GATAD2B: variants seen among roughly 807,000 people sequenced by gnomAD.
GATAD2B encodes GATA zinc finger domain containing 2B, also known as transcriptional repressor p66-beta.
A neutral mutation model predicts 64.3 loss-of-function variants in GATAD2B; 8 were observed. The observed-to-expected ratio is 0.12, with a 90% CI of 0.07 to 0.22. The LOEUF is 0.22. Ranked by LOEUF, GATAD2B falls within the 10% of genes least tolerant of loss-of-function variation. GATAD2B has a pLI of 1.00. For synonymous variants in GATAD2B, 281 were observed against 271.3 expected, an observed-to-expected ratio of 1.04 and a Z score of -0.35; for missense variants, 453 against 752.0, an observed-to-expected ratio of 0.60 and a Z score of 4.65.
intron 2 of GATAD2B, among the ~76,000 whole-genome samples, chr1:153,822,214 C>T (rs1234210945): frequency 6.6e-6 from 1 of 151,888 alleles, no homozygotes; most frequent in African/African-American, 2.4e-5. Context: ...AATAAAACAC[C>T]GGTAATTTTG....
At chr1:153,891,376 T>A (rs1402074789) in intron 1 of GATAD2B, among the ~76,000 whole-genome samples, 1 of 150,980 alleles carries the variant, frequency 6.6e-6, no homozygotes, top group African/African-American at 2.4e-5. Context: ...AAGACCAGCC[T>A]GGCCAGCATG....
intron 2 of GATAD2B, among the ~76,000 whole-genome samples, chr1:153,820,609 G>A (rs943990604): frequency 3.3e-5 from 5 of 152,094 alleles, no homozygotes; most frequent in South Asian, 2.1e-4. Context: ...TATATAGGTC[G>A]AGGGCAATTG....
Position 153,828,180 on chromosome 1 carries a change from A to T in GATAD2B, c.168T>A (p.Asn56Lys). 1 of 1,614,154 alleles carries T rather than the reference A, an allele frequency of 6.2e-7. No individual in the cohort carries two copies. The highest frequency in any genetic ancestry group is 8.5e-7 in the Non-Finnish European group (1 of 1,180,034). ...TGGGTAACTCATGTGGCACCTCAAG[A>T]TTTGCCAAATCCTTCCTTTTGAGCA... ...LALLKRKDLA[N>K]LEVPHELPTK... The change falls in exon 2 of 11, where the codon AAT (asparagine) becomes AAA (lysine). Residue 56 changes from asparagine to lysine, a missense_variant. Physicochemically the swap from Asn to Lys is moderately conservative, Grantham distance 94. Around this residue, in one of 2 missense-constraint regions of GATAD2B, gnomAD observed 293 missense variants for 417.2 expected, o/e 0.70. Transcript: ENST00000368655.
chr1:153,818,314 C>CA (rs1674554193), intron 4 of GATAD2B, 143 bp from the exon 5 acceptor site: 1 of 319,934 alleles, frequency 3.1e-6, no homozygotes, highest in Non-Finnish European at 5.4e-6. Context: ...TCAAGGTTTT[C>CA]TTTTTTTTTT....
chr1:153,884,133 C>T (rs1359590204), intron 1 of GATAD2B, among the ~76,000 whole-genome samples: 1 of 151,634 alleles, frequency 6.6e-6, no homozygotes, highest in Non-Finnish European at 1.5e-5. Flanking sequence ...CCCATCTCTA[C>T]TAAAAATACA....
At chr1:153,834,001 GTTGTTTTTTGT>G (rs955490137) in intron 1 of GATAD2B, among the ~76,000 whole-genome samples, 2 of 149,576 alleles carry the variant, frequency 1.3e-5, no homozygotes, top group African/African-American at 2.5e-5. Flanking sequence ...TTTTTTTTTG[GTTGTTTTTTGT>G]TTGTTTTTGA....
At chr1:153,827,143 G>C (rs1189480870) in intron 2 of GATAD2B, among the ~76,000 whole-genome samples, 2 of 151,080 alleles carry the variant, frequency 1.3e-5, no homozygotes, top group African/African-American at 4.9e-5. Flanking sequence ...TACTCAAGGG[G>C]GGTGGGGTGT....
chr1:153,895,771 TTC>T (rs1486551417), intron 1 of GATAD2B, among the ~76,000 whole-genome samples: 1 of 152,134 alleles, frequency 6.6e-6, no homozygotes, highest in Non-Finnish European at 1.5e-5. Flanking sequence ...TCTACAAAGA[TTC>T]TAAGTCTGAT....
intron 1 of GATAD2B, among the ~76,000 whole-genome samples, chr1:153,880,811 T>C (rs1676986317): frequency 6.6e-6 from 1 of 151,892 alleles, no homozygotes; most frequent in South Asian, 2.1e-4. Flanking sequence ...ATCACTGCAC[T>C]CCAGCTTGGG....
Position 153,810,129 on chromosome 1 carries a change from G to GC in GATAD2B, c.*47_*48insG. 1.9e-6 allele frequency: 3 copies of GC among 1,559,348 alleles called. No individual in the cohort carries two copies. The highest frequency in any genetic ancestry group is 1.7e-6 in the Non-Finnish European group (2 of 1,148,910). ...GACAGAAGTTGGGGGAATGAAAGAGGAAAGGGATAAAGGATTCAAGGATGG... is the reference window on the plus strand; with the variant it reads ...GACAGAAGTTGGGGGAATGAAAGAGGCAAAGGGATAAAGGATTCAAGGATGG... On this transcript the variant is annotated 3_prime_UTR_variant, in exon 11 of 11. Transcript: ENST00000368655.
chr1:153,915,684 G>A (rs1173706543), intron 1 of GATAD2B, among the ~76,000 whole-genome samples: 6 of 146,412 alleles, frequency 4.1e-5, no homozygotes, highest in South Asian at 2.3e-4. Context: ...GCAGTGAGCC[G>A]AGATCGTGCC....
chr1:153,820,642 C>G (rs962227354), intron 2 of GATAD2B, among the ~76,000 whole-genome samples: 3 of 151,076 alleles, frequency 2.0e-5, no homozygotes, highest in Non-Finnish European at 4.4e-5. Flanking sequence ...TTTTTTTTTC[C>G]CTCTTGAGAC....
At chr1:153,824,054 G>A (rs927892763) in intron 2 of GATAD2B, among the ~76,000 whole-genome samples, 4 of 152,108 alleles carry the variant, frequency 2.6e-5, no homozygotes, top group African/African-American at 4.8e-5. Context: ...TATACATCTC[G>A]GGGCTAAGTG....
intron 1 of GATAD2B, among the ~76,000 whole-genome samples, chr1:153,842,522 T>C (rs575865523): frequency 6.9e-6 from 1 of 144,126 alleles, no homozygotes; most frequent in Non-Finnish European, 1.6e-5. Context: ...AATAAGTTTA[T>C]TGCATATACA....
intron 1 of GATAD2B, among the ~76,000 whole-genome samples, chr1:153,842,953 C>G (rs970824802): frequency 4.5e-5 from 6 of 133,364 alleles, no homozygotes; most frequent in Non-Finnish European, 6.5e-5. Flanking sequence ...CCTCGCCCAG[C>G]CTTTTTTTTT....
chr1:153,845,952 C>A (rs946011151), intron 1 of GATAD2B, among the ~76,000 whole-genome samples: 8 of 146,478 alleles, frequency 5.5e-5, no homozygotes, highest in East Asian at 2.0e-4. Context: ...CCGCCCCCCC[C>A]CCGCCCCAAA....
rs1468974050 is a variant in GATAD2B, at chr1:153,816,705, T to C, written c.901-117A>G. On this transcript the variant is annotated intron_variant, in intron 6 of 10. Transcript: ENST00000368655. This position sits in a 1 kb window ranked among gnomAD's most constrained non-coding sequence, Gnocchi z 4.9. Reference sequence around the variant, plus strand: ...TTGGACTACTTAGCTTCTCCAAAAATAGGAGGTGGTCAACTTATTTATTGA... The same window carrying C: ...TTGGACTACTTAGCTTCTCCAAAAACAGGAGGTGGTCAACTTATTTATTGA... 1 of 630,110 alleles carries C rather than the reference T, an allele frequency of 1.6e-6. No individual in the cohort carries two copies. Among genetic ancestry groups the C allele is most frequent in the Non-Finnish European group, 2.8e-6 (1 of 360,206 alleles). 39.0% of individuals were successfully genotyped at this position (630,110 alleles called of 1,614,324 possible). A position where few individuals can be genotyped will look rare whatever the true frequency, so the allele number is the denominator to read the frequency against.
chr1:153,826,643 A>G (rs1674887949), intron 2 of GATAD2B, among the ~76,000 whole-genome samples: 1 of 150,510 alleles, frequency 6.6e-6, no homozygotes, highest in South Asian at 2.1e-4. Context: ...ACACACACAC[A>G]CAACTTGGGT....
chr1:153,885,604 A>T (rs1236750861), intron 1 of GATAD2B, among the ~76,000 whole-genome samples: 1 of 151,906 alleles, frequency 6.6e-6, no homozygotes. Context: ...GCGGTGGCTC[A>T]TGCCTGTAAT....
Sources: allele counts gnomAD v4.1 joint callset (sites outside exome capture counted in the v4.1 genomes callset), GRCh38; gene constraint gnomAD v4.1.1; regional missense constraint gnomAD v4.1.1; non-coding constraint Gnocchi (gnomAD v3.1); transcripts MANE v1.5; gene names NCBI Gene and HGNC (gene_info 2026-07-23, HGNC 2026-07-21).